Variants in MIER3 observed in about 807,000 individuals in gnomAD.
MIER3 encodes the protein MIER family member 3, also known as mesoderm induction early response protein 3.
MIER3 carries 9 observed loss-of-function variants against 63.2 expected under a neutral mutation model. The observed-to-expected ratio is 0.14, with a 90% CI of 0.09 to 0.25. The LOEUF (loss-of-function observed/expected upper bound fraction) is 0.25. MIER3 is among the 10% of genes least tolerant of loss of function. MIER3 has a pLI of 1.00. For synonymous variants in MIER3, 205 were observed against 224.9 expected (o/e 0.91, Z 0.79); for missense variants, 512 against 666.2 (o/e 0.77, Z 2.55).
intron 2 of MIER3, 140 bp downstream of exon 2, chr5:56,950,488 C>A: frequency 2.3e-6 from 2 of 870,294 alleles, no homozygotes; most frequent in Non-Finnish European, 1.8e-6. Context: ...CCAAACTTTA[C>A]TAAATGCACA....
chr5:56,933,097 G>T, intron 8 of MIER3, 150 bp downstream of exon 8: 2 of 764,748 alleles, frequency 2.6e-6, no homozygotes, highest in South Asian at 3.5e-5. Flanking sequence ...AGAACTCAAG[G>T]TTATGGTTTT....
intron 1 of MIER3, 120 bp downstream of exon 1, chr5:56,951,947 TCGCCGCCCCGCGACCCCCGCGTCGCCA>T: frequency 3.5e-6 from 2 of 570,248 alleles, no homozygotes; most frequent in Non-Finnish European, 4.7e-6. Flanking sequence ...CCACGGCCAG[TCGCCGCCCCGCGACCCCCGCGTCGCCA>T]CGCCGCCCCT....
Position 56,920,244 on chromosome 5 carries a change from G to C in MIER3, c.*2884C>G, listed in dbSNP as rs1749604950. On this transcript the variant is annotated 3_prime_UTR_variant, in exon 13 of 13. Transcript: ENST00000381199. ...TAAATTCAGCAGCTGACCATGACAA[G>C]AGGAAAACTAAACATTTAAAAAGCT... The C allele has an allele frequency of 6.6e-6, 1 of 152,466 alleles. No homozygotes were observed. The highest frequency in any genetic ancestry group is 2.4e-5 in the African/African-American group (1 of 41,428). 9.4% of individuals were successfully genotyped at this position (152,466 alleles called of 1,614,324 possible). A position where few individuals can be genotyped will look rare whatever the true frequency, so the allele number is the denominator to read the frequency against.
At chr5:56,946,824 A>C in intron 3 of MIER3, 102 bp downstream of exon 3, 1 of 951,818 alleles carries the variant, frequency 1.1e-6, no homozygotes, top group Non-Finnish European at 1.5e-6. Flanking sequence ...GTGAAAAAAA[A>C]AAGGATTATG....
At chr5:56,944,204 G>A (rs1464727604) in intron 3 of MIER3, among the ~76,000 whole-genome samples, 2 of 152,144 alleles carry the variant, frequency 1.3e-5, no homozygotes, top group Non-Finnish European at 2.9e-5. Flanking sequence ...GGGCGCGGTG[G>A]CTCACGCCTG....
At chr5:56,946,606 T>C (rs955969980) in intron 3 of MIER3, among the ~76,000 whole-genome samples, 1 of 152,140 alleles carries the variant, frequency 6.6e-6, no homozygotes, top group Non-Finnish European at 1.5e-5. Flanking sequence ...AGCAGAATAG[T>C]AGTTACAATG....
In MIER3 at chr5:56,922,930, T is replaced by C; in HGVS notation, c.*198A>G. On this transcript the variant is annotated 3_prime_UTR_variant, in exon 13 of 13. Transcript: ENST00000381199. ...GTTCAATCTTAGTTCCCAACTCTGC[T>C]GATCATAGTTCATTTCCACATTTAT... 1 of 581,380 alleles carries C rather than the reference T, an allele frequency of 1.7e-6. No individual in the cohort carries two copies. Among genetic ancestry groups the C allele is most frequent in the Non-Finnish European group, 3.0e-6 (1 of 329,086 alleles). 36.0% of individuals were successfully genotyped at this position (581,380 alleles called of 1,614,324 possible).
chr5:56,923,247 T>C lies in MIER3; in HGVS notation c.1534A>G (p.Ile512Val), dbSNP rs1431471750. Residue 512 changes from isoleucine (I) to valine (V), a missense_variant, in exon 13 of 13, where the codon ATC becomes GTC. This residue lies in a region of MIER3 where 218 missense variants were observed against 251.2 expected (regional missense o/e 0.87). Coordinates refer to ENST00000381199, the MANE Select transcript of MIER3 (RefSeq NM_001297599.2). ...GAAACAGCCATTTTGGCACTGGTGA[T>C]GTGATGTGTGTGATTTTCAAAGTCC... is the stretch of plus-strand genomic sequence containing the variant. ...GVDFENHTHH[I>V]TSAKMAVSVA... is the part of the protein sequence containing the mutation. 1.9e-6 allele frequency: 3 copies of C among 1,614,084 alleles called. No homozygotes were observed. The highest frequency in any genetic ancestry group is 2.2e-5 in the East Asian group (1 of 44,876).
intron 3 of MIER3, among the ~76,000 whole-genome samples, chr5:56,940,369 G>A (rs978936003): frequency 2.0e-5 from 3 of 152,190 alleles, no homozygotes; most frequent in African/African-American, 4.8e-5. Flanking sequence ...AAAGCAGAGT[G>A]TGCAAAACAT....
intron 1 of MIER3, among the ~76,000 whole-genome samples, chr5:56,951,387 G>A (rs1488033685): frequency 6.6e-6 from 1 of 151,878 alleles, no homozygotes; most frequent in Non-Finnish European, 1.5e-5. Flanking sequence ...GGGCAGCTTC[G>A]CTCGCCCAGC....
chr5:56,943,931 T>A (rs1282638304), intron 3 of MIER3, among the ~76,000 whole-genome samples: 1 of 152,190 alleles, frequency 6.6e-6, no homozygotes, highest in Non-Finnish European at 1.5e-5. Flanking sequence ...GTCACACTTA[T>A]AAATGAACTG....
At position 56,923,758 on chromosome 5, in the gene MIER3, G is replaced by A; in HGVS notation, c.1128C>T (p.Asn376=). The A allele has an allele frequency of 6.2e-7, 1 of 1,614,152 alleles. No individual in the cohort carries two copies. The change falls in exon 12 of 13, where the codon AAC becomes AAT. Residue 376 remains asparagine (N), a synonymous_variant. Transcript: ENST00000381199. Reference sequence around the variant, plus strand: ...GTTGATCAGGAATAGGCTCAGGCCGGTTAGAAGTTAAGGCTGAAGCATTTA... The same window carrying A: ...GTTGATCAGGAATAGGCTCAGGCCGATTAGAAGTTAAGGCTGAAGCATTTA... ...GTVNASALTS[N]RPEPIPDQQL...
intron 3 of MIER3, among the ~76,000 whole-genome samples, chr5:56,942,845 A>G (rs949261267): frequency 6.6e-6 from 1 of 152,210 alleles, no homozygotes; most frequent in Non-Finnish European, 1.5e-5. Context: ...TCTGGCAATC[A>G]GGAATTATTG....
chr5:56,928,926 C>A (rs1026146353), intron 9 of MIER3, 65 bp from the exon 10 acceptor site: 7 of 1,131,840 alleles, frequency 6.2e-6, no homozygotes, highest in South Asian at 2.6e-5. Context: ...CACTGATTTT[C>A]AGTATGTTTT....
At position 56,951,516 on chromosome 5, in the gene MIER3, T is replaced by G. The variant is rs1431557438; in HGVS notation, c.9+578A>C. On this transcript the variant is annotated intron_variant, in intron 1 of 12. Coordinates refer to ENST00000381199, the MANE Select transcript of MIER3 (RefSeq NM_001297599.2). ...CTCCCGCACCTCCCGGGCTGCGGGGTGGGGAGTCCCGCTCTTCTGAGAAGC... is the reference window on the plus strand; with the variant it reads ...CTCCCGCACCTCCCGGGCTGCGGGGGGGGGAGTCCCGCTCTTCTGAGAAGC... Among the ~76,000 whole-genome samples, 4 of 152,112 alleles carry G rather than the reference T, an allele frequency of 2.6e-5. No individual in the cohort carries two copies. In the South Asian group the frequency reaches 6.2e-4, roughly 24 times the overall value.
intron 7 of MIER3, 130 bp from the exon 8 acceptor site, chr5:56,933,528 C>G: frequency 1.3e-6 from 1 of 794,510 alleles, no homozygotes; most frequent in South Asian, 2.5e-5. Flanking sequence ...CACCAGTAAT[C>G]CGATTATCCG....
chr5:56,940,083 A>G (rs1750589903), intron 3 of MIER3, among the ~76,000 whole-genome samples: 1 of 152,166 alleles, frequency 6.6e-6, no homozygotes. Context: ...TAATCCTAGC[A>G]TTTTGGGAGG....
intron 7 of MIER3, among the ~76,000 whole-genome samples, chr5:56,933,657 C>G (rs141431800): frequency 9.2e-5 from 14 of 152,278 alleles, no homozygotes; most frequent in African/African-American, 3.1e-4. Context: ...TGAAGGCTCT[C>G]CATGCCTAGT....
chr5:56,945,461 T>C (rs1349062704), intron 3 of MIER3, among the ~76,000 whole-genome samples: 1 of 150,336 alleles, frequency 6.7e-6, no homozygotes, highest in Non-Finnish European at 1.5e-5. Flanking sequence ...AGTCTTCGTC[T>C]CAAAAAAAAA....
Sources: allele counts gnomAD v4.1 joint callset (sites outside exome capture counted in the v4.1 genomes callset), GRCh38; gene constraint gnomAD v4.1.1; regional missense constraint gnomAD v4.1.1; transcripts MANE v1.5; gene names NCBI Gene and HGNC (gene_info 2026-07-23, HGNC 2026-07-21).